The following PPARGC1A variants were observed in gnomAD, a reference collection of about 807,000 sequenced individuals.
PPARGC1A encodes the protein peroxisome proliferator-activated receptor gamma coactivator 1-alpha.
A neutral mutation model predicts 88.7 loss-of-function variants in PPARGC1A; 25 were observed. The observed-to-expected ratio is 0.28, with a 90% confidence interval of 0.21 to 0.39. The LOEUF is 0.39. Ranked by LOEUF, PPARGC1A falls within the 10% of genes least tolerant of loss-of-function variation. The probability of loss-of-function intolerance (pLI) is 1.00; values close to 1 mark genes in which losing one functional copy is unlikely to be tolerated. For synonymous variants in PPARGC1A, 363 were observed against 355.6 expected, an observed-to-expected ratio of 1.02 and a Z score of -0.24; for missense variants, 880 against 968.7, an observed-to-expected ratio of 0.91 and a Z score of 1.22.
chr4:24,035,096 T>C, the PPARGC1A span, among the ~76,000 whole-genome samples: 1 of 152,184 alleles, frequency 6.6e-6, no homozygotes, highest in Non-Finnish European at 1.5e-5. Flanking sequence ...AGGAGAGCAA[T>C]ACATGATATC....
chr4:24,437,774 G>A, the PPARGC1A span, among the ~76,000 whole-genome samples: 13 of 151,744 alleles, frequency 8.6e-5, no homozygotes, highest in South Asian at 8.4e-4. Context: ...GGTTCAAGTG[G>A]GATTACAGGC....
the PPARGC1A span, among the ~76,000 whole-genome samples, chr4:24,212,184 C>G: frequency 6.6e-6 from 1 of 152,220 alleles, no homozygotes; most frequent in Non-Finnish European, 1.5e-5. Flanking sequence ...TTCCTAGGCT[C>G]TACTTTGATC....
At chr4:24,345,191 T>C in the PPARGC1A span, among the ~76,000 whole-genome samples, 1 of 152,206 alleles carries the variant, frequency 6.6e-6, no homozygotes, top group Non-Finnish European at 1.5e-5. Flanking sequence ...GGTAGTGTGA[T>C]ACCTCCAGAT....
the PPARGC1A span, among the ~76,000 whole-genome samples, chr4:24,334,898 T>C: frequency 0.86 from 131,084 of 152,176 alleles, 58,724 homozygotes; most frequent in Non-Finnish European, 0.98. Context: ...TTGATTTCTA[T>C]ATTTAGAAAC....
the PPARGC1A span, among the ~76,000 whole-genome samples, chr4:24,047,467 A>G: frequency 6.6e-6 from 1 of 152,208 alleles, no homozygotes; most frequent in Non-Finnish European, 1.5e-5. Context: ...TGCTTTACAT[A>G]TATCTATTTG....
At chr4:23,929,763 C>A in the PPARGC1A span, among the ~76,000 whole-genome samples, 1 of 152,198 alleles carries the variant, frequency 6.6e-6, no homozygotes, top group South Asian at 2.1e-4. Flanking sequence ...ACTTTGCTGC[C>A]TTCTGCTGCA....
At chr4:23,910,602 G>A in the PPARGC1A span, among the ~76,000 whole-genome samples, 205 of 149,496 alleles carry the variant, frequency 1.4e-3, 1 homozygote, top group African/African-American at 4.9e-3. Flanking sequence ...CACCATGCCA[G>A]CTAATTTTTG....
At chr4:24,274,033 C>T in the PPARGC1A span, among the ~76,000 whole-genome samples, 1 of 152,036 alleles carries the variant, frequency 6.6e-6, no homozygotes, top group African/African-American at 2.4e-5. Flanking sequence ...GCCACCGTGC[C>T]TGGCCGGGGC....
At chr4:24,157,367 G>A in the PPARGC1A span, among the ~76,000 whole-genome samples, 2 of 152,074 alleles carry the variant, frequency 1.3e-5, no homozygotes, top group Admixed American at 1.3e-4. Context: ...GCCTCTGGGG[G>A]ACTCCTTCAG....
At chr4:24,141,905 C>A in the PPARGC1A span, among the ~76,000 whole-genome samples, 1 of 152,142 alleles carries the variant, frequency 6.6e-6, no homozygotes, top group Non-Finnish European at 1.5e-5. Flanking sequence ...AAAGGAGCCA[C>A]GTTTCTAATC....
chr4:24,103,687 G>C, the PPARGC1A span, among the ~76,000 whole-genome samples: 1 of 151,264 alleles, frequency 6.6e-6, no homozygotes, highest in South Asian at 2.1e-4. Flanking sequence ...TGAGTGTCCT[G>C]CTCTTCTGGA....
the PPARGC1A span, among the ~76,000 whole-genome samples, chr4:24,055,889 T>A: frequency 2.6e-5 from 4 of 152,210 alleles, no homozygotes; most frequent in African/African-American, 9.6e-5. Flanking sequence ...CTTTTAATGA[T>A]TAAATCAGTC....
chr4:23,904,891 A>C (rs1577712235), upstream of PPARGC1A, among the ~76,000 whole-genome samples: 1 of 152,002 alleles, frequency 6.6e-6, no homozygotes. Context: ...ATACTTTTAC[A>C]CTCTGACAGC....
the PPARGC1A span, among the ~76,000 whole-genome samples, chr4:24,083,033 G>A: frequency 6.6e-6 from 1 of 152,172 alleles, no homozygotes; most frequent in Non-Finnish European, 1.5e-5. Context: ...TCATGCATGA[G>A]CACAACTAGT....
the PPARGC1A span, among the ~76,000 whole-genome samples, chr4:23,947,382 TATATATATATATATAA>T: frequency 9.8e-4 from 15 of 15,280 alleles, no homozygotes; most frequent in South Asian, 0.013. Context: ...TATATATATA[TATATATATATATATAA>T]AAAAAACGGT....
chr4:24,160,067 G>GT, the PPARGC1A span, among the ~76,000 whole-genome samples: 3 of 152,148 alleles, frequency 2.0e-5, no homozygotes, highest in African/African-American at 7.2e-5. Context: ...AAATTCAGTG[G>GT]TTTTCAAGTC....
At chr4:24,058,525 C>A in the PPARGC1A span, among the ~76,000 whole-genome samples, 2 of 152,162 alleles carry the variant, frequency 1.3e-5, no homozygotes, top group Non-Finnish European at 2.9e-5. Flanking sequence ...CATACCCAGG[C>A]AGCCATTGAT....
chr4:24,396,248 G>A, the PPARGC1A span, among the ~76,000 whole-genome samples: 1 of 152,146 alleles, frequency 6.6e-6, no homozygotes, highest in African/African-American at 2.4e-5. Context: ...GCAAGTGCAG[G>A]ACGATGGGGG....
chr4:24,455,102 G>A, the PPARGC1A span, among the ~76,000 whole-genome samples: 1 of 152,184 alleles, frequency 6.6e-6, no homozygotes, highest in Admixed American at 6.5e-5. Context: ...GGGCTGATAA[G>A]AGTCCCAAAC....
Sources: gnomAD v4.1 joint callset for allele counts (sites outside exome capture counted in the v4.1 genomes callset) on GRCh38, gnomAD v4.1.1 for gene constraint, MANE v1.5 for transcripts, NCBI Gene and HGNC (gene_info 2026-07-23, HGNC 2026-07-21) for gene names.